TOM1L2: variants seen among roughly 807,000 people sequenced by gnomAD.
TOM1L2 encodes the protein target of myb1 like 2 membrane trafficking protein.
Under a neutral mutation model 67.9 loss-of-function variants are expected in TOM1L2, and 31 were observed. The ratio of observed to expected loss-of-function variants is 0.46; its 90% CI spans 0.34 to 0.62. The LOEUF (loss-of-function observed/expected upper bound fraction) is 0.62, where lower values mean the gene tolerates loss of function less well. Among genes scored for constraint, TOM1L2 ranks in the 20% least tolerant of loss-of-function variants. The pLI is 0.01. For missense variants in TOM1L2, 606 were observed against 663.5 expected, an observed-to-expected ratio of 0.91 and a Z score of 0.95; for synonymous variants, 256 against 254.0, an observed-to-expected ratio of 1.01 and a Z score of -0.07.
intron 1 of TOM1L2, among the ~76,000 whole-genome samples, chr17:17,947,187 T>A (rs1384690629): frequency 6.6e-6 from 1 of 151,918 alleles, no homozygotes; most frequent in Non-Finnish European, 1.5e-5. Flanking sequence ...TACCATCCAG[T>A]GAGCTTTTCA....
chr17:17,922,307 T>C (rs911518793), intron 1 of TOM1L2, among the ~76,000 whole-genome samples: 1 of 151,988 alleles, frequency 6.6e-6, no homozygotes, highest in Non-Finnish European at 1.5e-5. Context: ...AGGGCCTCGG[T>C]GAAGGGGAGC....
chr17:17,869,011 AAGC>A, intron 8 of TOM1L2: 7 of 240,870 alleles, frequency 2.9e-5, no homozygotes, highest in East Asian at 8.5e-5. Flanking sequence ...GCAGGTGCAG[AAGC>A]TCTGGGGCCC....
At chr17:17,938,243 G>A (rs1481279409) in intron 1 of TOM1L2, among the ~76,000 whole-genome samples, 1 of 152,208 alleles carries the variant, frequency 6.6e-6, no homozygotes, top group Non-Finnish European at 1.5e-5. Context: ...ATGAGATAAT[G>A]AGTTTTCCAT....
At position 17,972,201 on chromosome 17, in the gene TOM1L2, T is replaced by C. The variant is rs2042136746; in HGVS notation, c.52+61A>G. 3 of 1,541,814 alleles carry C rather than the reference T, an allele frequency of 1.9e-6. No individual in the cohort carries two copies. In the African/African-American group the frequency reaches 4.1e-5, roughly 21 times the overall value. On this transcript the variant is annotated intron_variant, in intron 1 of 14. Transcript: ENST00000379504. ...ACCGGCGCCCGGCGGAGGCCCGCGG[T>C]CCTCACCAGCCGGATCAGCGGCCGC...
chr17:17,915,107 T>C (rs140547924), intron 1 of TOM1L2, among the ~76,000 whole-genome samples: 4 of 152,346 alleles, frequency 2.6e-5, no homozygotes, highest in African/African-American at 7.2e-5. Flanking sequence ...ACTTCCAGCC[T>C]GTACAGAGGT....
intron 6 of TOM1L2, among the ~76,000 whole-genome samples, chr17:17,880,581 C>T (rs1322963295): frequency 6.6e-6 from 1 of 152,226 alleles, no homozygotes; most frequent in East Asian, 1.9e-4. Flanking sequence ...GAGGTGGCTA[C>T]TGGTCCCATC....
At chr17:17,921,071 G>T (rs1376912273) in intron 1 of TOM1L2, among the ~76,000 whole-genome samples, 1 of 152,106 alleles carries the variant, frequency 6.6e-6, no homozygotes, top group African/African-American at 2.4e-5. Context: ...CTCATGATCC[G>T]ATCCAGAATA....
intron 6 of TOM1L2, among the ~76,000 whole-genome samples, chr17:17,882,328 A>G (rs898056565): frequency 2.0e-5 from 3 of 152,142 alleles, no homozygotes; most frequent in East Asian, 3.8e-4. Context: ...CTGCTCTCCA[A>G]TCAAGCCACC....
intron 1 of TOM1L2, among the ~76,000 whole-genome samples, chr17:17,950,108 G>A (rs891676935): frequency 2.0e-5 from 3 of 151,892 alleles, no homozygotes; most frequent in African/African-American, 4.8e-5. Flanking sequence ...TGATCTGCCC[G>A]CCTCGGCCTC....
At chr17:17,848,787 CA>C in intron 14 of TOM1L2, 35 bp downstream of exon 14, 2 of 1,612,954 alleles carry the variant, frequency 1.2e-6, no homozygotes, top group Admixed American at 3.3e-5. Context: ...ACAGAGGCAA[CA>C]AAAGGGGGCT....
At chr17:17,901,386 C>G (rs958263479) in intron 2 of TOM1L2, among the ~76,000 whole-genome samples, 4 of 152,188 alleles carry the variant, frequency 2.6e-5, no homozygotes, top group Non-Finnish European at 5.9e-5. Flanking sequence ...TAGCAGCTTT[C>G]AGGGGAAAGG....
chr17:17,888,558 G>C (rs1568174793), intron 4 of TOM1L2, among the ~76,000 whole-genome samples: 1 of 152,312 alleles, frequency 6.6e-6, no homozygotes, highest in South Asian at 2.1e-4. Flanking sequence ...GGGAGCTGCT[G>C]TCCACACAGA....
chr17:17,851,083 C>T, intron 12 of TOM1L2, 131 bp from the exon 13 acceptor site: 1 of 960,898 alleles, frequency 1.0e-6, no homozygotes, highest in Non-Finnish European at 1.6e-6. Flanking sequence ...CAAAAAAACA[C>T]AATTGGCACA....
intron 1 of TOM1L2, among the ~76,000 whole-genome samples, chr17:17,908,425 C>A (rs1467970761): frequency 6.6e-6 from 1 of 152,108 alleles, no homozygotes; most frequent in East Asian, 1.9e-4. Flanking sequence ...ACACCAAAAG[C>A]ACAGGCAACA....
At chr17:17,849,071 C>G in intron 13 of TOM1L2, 1 of 566,840 alleles carries the variant, frequency 1.8e-6, no homozygotes, top group South Asian at 2.2e-5. Flanking sequence ...AAAACAAAAG[C>G]AAAAAATTCA....
At chr17:17,925,335 T>A (rs1412442721) in intron 1 of TOM1L2, among the ~76,000 whole-genome samples, 1 of 152,036 alleles carries the variant, frequency 6.6e-6, no homozygotes, top group Non-Finnish European at 1.5e-5. Flanking sequence ...TAAAAAAACA[T>A]GCATATGGAT....
chr17:17,872,101 A>G (rs2037186040), intron 7 of TOM1L2: 1 of 945,704 alleles, frequency 1.1e-6, no homozygotes, highest in African/African-American at 1.8e-5. Context: ...ATGGACACTC[A>G]CAGGTCAAAA....
chr17:17,871,921 G>A, intron 7 of TOM1L2: 1 of 920,988 alleles, frequency 1.1e-6, no homozygotes, highest in South Asian at 5.0e-5. Flanking sequence ...TAATTGCAGG[G>A]GACACTACTA....
At chr17:17,942,369 C>G (rs1269837812) in intron 1 of TOM1L2, among the ~76,000 whole-genome samples, 2 of 152,190 alleles carry the variant, frequency 1.3e-5, no homozygotes. Flanking sequence ...GTATTAGCCC[C>G]AAGATCTCAG....
Sources: gnomAD v4.1 joint callset for allele counts (sites outside exome capture counted in the v4.1 genomes callset) on GRCh38, gnomAD v4.1.1 for gene constraint, MANE v1.5 for transcripts, NCBI Gene and HGNC (gene_info 2026-07-23, HGNC 2026-07-21) for gene names.